The following DAB1 variants were observed in gnomAD, a reference collection of about 807,000 sequenced individuals.
DAB1 encodes the protein disabled homolog 1.
In DAB1, 15 loss-of-function variants were observed where a neutral mutation model predicts 64.6. The observed-to-expected ratio is 0.23, with a 90% CI of 0.16 to 0.36. The LOEUF is 0.36. DAB1 is among the 10% of genes least tolerant of loss of function. The pLI, the probability that DAB1 is intolerant of heterozygous loss-of-function variation, is 1.00. For missense variants in DAB1, 596 were observed against 706.7 expected, an observed-to-expected ratio of 0.84 and a Z score of 1.78; for synonymous variants, 235 against 251.9, an observed-to-expected ratio of 0.93 and a Z score of 0.64.
chr1:58,292,181 C>T (rs1661859426), intron 4 of DAB1, among the ~76,000 whole-genome samples: 2 of 152,126 alleles, frequency 1.3e-5, no homozygotes, highest in Admixed American at 6.5e-5. Flanking sequence ...AATTATATCC[C>T]CAGCTATCCT....
chr1:57,014,214 C>T (rs1180383150), intron 12 of DAB1, among the ~76,000 whole-genome samples: 1 of 152,164 alleles, frequency 6.6e-6, no homozygotes. Flanking sequence ...CAAAACTGGT[C>T]AGTAATAAAT....
At chr1:57,676,475 T>A (rs946931823) in intron 6 of DAB1, among the ~76,000 whole-genome samples, 2 of 152,124 alleles carry the variant, frequency 1.3e-5, no homozygotes, top group African/African-American at 4.8e-5. Flanking sequence ...ATGCAGCAAT[T>A]CCTGTTACAT....
At chr1:58,229,470 G>A (rs1659673983) in intron 4 of DAB1, among the ~76,000 whole-genome samples, 1 of 152,132 alleles carries the variant, frequency 6.6e-6, no homozygotes, top group African/African-American at 2.4e-5. Flanking sequence ...AGGCACTGGA[G>A]AGGAACCATA....
chr1:57,331,059 C>T (rs1415588578), intron 1 of DAB1, among the ~76,000 whole-genome samples: 1 of 152,154 alleles, frequency 6.6e-6, no homozygotes, highest in African/African-American at 2.4e-5. Flanking sequence ...ACCACTGCTG[C>T]CCCTTGCTCC....
intron 4 of DAB1, among the ~76,000 whole-genome samples, chr1:57,079,642 C>T (rs1232396779): frequency 6.6e-6 from 1 of 152,194 alleles, no homozygotes; most frequent in Non-Finnish European, 1.5e-5. Flanking sequence ...TAGGACCTGG[C>T]TGCTTCCCCA....
chr1:57,047,745 C>T (rs1172279545), intron 9 of DAB1, among the ~76,000 whole-genome samples: 1 of 152,190 alleles, frequency 6.6e-6, no homozygotes, highest in Non-Finnish European at 1.5e-5. Flanking sequence ...TATGGTGCAG[C>T]CCCTGCAGCT....
intron 5 of DAB1, among the ~76,000 whole-genome samples, chr1:58,019,671 C>T (rs1247727815): frequency 6.6e-6 from 1 of 152,260 alleles, no homozygotes; most frequent in East Asian, 1.9e-4. Flanking sequence ...CTAGTGAGGT[C>T]AATTTGAACC....
chr1:57,469,976 C>G (rs1031276933), intron 7 of DAB1, among the ~76,000 whole-genome samples: 1 of 152,108 alleles, frequency 6.6e-6, no homozygotes, highest in African/African-American at 2.4e-5. Flanking sequence ...CATATAACAC[C>G]TATTAACATC....
chr1:57,163,295 T>C (rs1055422407), intron 2 of DAB1, among the ~76,000 whole-genome samples: 1 of 152,128 alleles, frequency 6.6e-6, no homozygotes, highest in African/African-American at 2.4e-5. Flanking sequence ...TGGGGAACAA[T>C]TAATTTAGAC....
At chr1:57,348,126 G>A (rs1278756955) in intron 1 of DAB1, among the ~76,000 whole-genome samples, 1 of 152,164 alleles carries the variant, frequency 6.6e-6, no homozygotes, top group East Asian at 1.9e-4. Context: ...ATCAGCATGA[G>A]CCTGAAGGAG....
chr1:57,299,425 T>C (rs925507359), intron 1 of DAB1, among the ~76,000 whole-genome samples: 4 of 152,242 alleles, frequency 2.6e-5, no homozygotes, highest in Non-Finnish European at 4.4e-5. Context: ...GGGAATACAA[T>C]GTGTTTCTGT....
intron 7 of DAB1, among the ~76,000 whole-genome samples, chr1:57,443,463 T>C (rs966322164): frequency 6.6e-6 from 1 of 152,218 alleles, no homozygotes; most frequent in African/African-American, 2.4e-5. Context: ...TCCTTATGCC[T>C]CTTCATCTTC....
chr1:57,559,178 G>C (rs1400016902), intron 7 of DAB1, among the ~76,000 whole-genome samples: 1 of 152,174 alleles, frequency 6.6e-6, no homozygotes. Flanking sequence ...TCTGGCATTG[G>C]CTAATTAATC....
intron 4 of DAB1, among the ~76,000 whole-genome samples, chr1:57,103,535 A>G (rs1052983149): frequency 6.6e-6 from 1 of 152,154 alleles, no homozygotes; most frequent in East Asian, 1.9e-4. Flanking sequence ...CCGGGAGTAC[A>G]GTAGTTATGT....
chr1:57,988,078 A>T (rs1646267173), intron 5 of DAB1, among the ~76,000 whole-genome samples: 1 of 152,026 alleles, frequency 6.6e-6, no homozygotes, highest in African/African-American at 2.4e-5. Flanking sequence ...ACCCAATCCC[A>T]CCCAGAAGAG....
intron 2 of DAB1, among the ~76,000 whole-genome samples, chr1:57,156,138 A>G (rs539511061): frequency 1.3e-5 from 2 of 152,208 alleles, no homozygotes; most frequent in African/African-American, 2.4e-5. Flanking sequence ...GTCACAGTAG[A>G]TGTGCCTCCG....
At chr1:58,419,986 T>A (rs1350101495) in intron 3 of DAB1, among the ~76,000 whole-genome samples, 1 of 152,222 alleles carries the variant, frequency 6.6e-6, no homozygotes, top group African/African-American at 2.4e-5. Context: ...AGGTTGCCTC[T>A]CCATCCCATT....
chr1:57,615,293 A>G (rs1645779039), intron 7 of DAB1, among the ~76,000 whole-genome samples: 1 of 152,236 alleles, frequency 6.6e-6, no homozygotes, highest in East Asian at 1.9e-4. Flanking sequence ...AAAGGTTAGC[A>G]GAAGTATATT....
At chr1:58,534,990 T>C (rs1392282652) in intron 1 of DAB1, among the ~76,000 whole-genome samples, 2 of 152,064 alleles carry the variant, frequency 1.3e-5, no homozygotes, top group African/African-American at 4.8e-5. Flanking sequence ...TTCATCTAAG[T>C]AAAATACAAA....
Sources: allele counts gnomAD v4.1 joint callset (sites outside exome capture counted in the v4.1 genomes callset), GRCh38; gene constraint gnomAD v4.1.1; transcripts MANE v1.5; gene names NCBI Gene and HGNC (gene_info 2026-07-23, HGNC 2026-07-21).